PTPRN2: variants seen among roughly 807,000 people sequenced by gnomAD.
PTPRN2 encodes receptor-type tyrosine-protein phosphatase N2.
In PTPRN2, 74 loss-of-function variants were observed where a neutral mutation model predicts 118.8. The observed-to-expected ratio is 0.62, with a 90% CI of 0.52 to 0.76. The LOEUF is 0.76. Ranked by LOEUF, PTPRN2 falls within the 30% of genes least tolerant of loss-of-function variation. PTPRN2 has a pLI of 0.00. For synonymous variants in PTPRN2, 641 were observed against 608.0 expected, an observed-to-expected ratio of 1.05 and a Z score of -0.80; for missense variants, 1,481 against 1,394.4, an observed-to-expected ratio of 1.06 and a Z score of -0.99.
At chr7:158,260,633 T>C (rs915026469) in intron 3 of PTPRN2, among the ~76,000 whole-genome samples, 1 of 152,026 alleles carries the variant, frequency 6.6e-6, no homozygotes, top group Non-Finnish European at 1.5e-5. Flanking sequence ...GATAGTAAGG[T>C]TAAAATCCCC....
chr7:158,061,688 T>C (rs997213207), intron 11 of PTPRN2, among the ~76,000 whole-genome samples: 4 of 152,178 alleles, frequency 2.6e-5, no homozygotes, highest in Admixed American at 1.3e-4. Context: ...GTAGCTGAGA[T>C]GCAATGGGGG....
chr7:157,599,751 C>CT (rs1801553671), intron 16 of PTPRN2, among the ~76,000 whole-genome samples: 1 of 152,210 alleles, frequency 6.6e-6, no homozygotes. Context: ...ATCTGGCCAG[C>CT]TTTGGGGAAG....
intron 2 of PTPRN2, among the ~76,000 whole-genome samples, chr7:158,461,561 A>T (rs1391887517): frequency 6.6e-6 from 1 of 152,108 alleles, no homozygotes; most frequent in African/African-American, 2.4e-5. Context: ...AAAAAATATC[A>T]TTCTAGGTGC....
chr7:158,584,670 G>A (rs1011149156), intron 1 of PTPRN2, among the ~76,000 whole-genome samples: 1 of 152,206 alleles, frequency 6.6e-6, no homozygotes, highest in African/African-American at 2.4e-5. Context: ...CAGGGGAAAA[G>A]AGAGGAAGCA....
Position 158,151,087 on chromosome 7 carries a change from G to C in PTPRN2, c.911-12572C>G, listed in dbSNP as rs1394377681. On this transcript the variant is annotated intron_variant, in intron 6 of 22. Coordinates refer to ENST00000389418, the MANE Select transcript of PTPRN2 (RefSeq NM_002847.5). ...CGCCTTTCCACTCTTGCCCCTGCCTGCCCAAACCGCCCGCCTTTCTGCTCC... is the reference window on the plus strand; with the variant it reads ...CGCCTTTCCACTCTTGCCCCTGCCTCCCCAAACCGCCCGCCTTTCTGCTCC... Among the ~76,000 whole-genome samples, 6 of 9,234 alleles carry C rather than the reference G, an allele frequency of 6.5e-4. 1 individual carries two copies. Among genetic ancestry groups the C allele is most frequent in the African/African-American group, 1.7e-3 (6 of 3,632 alleles). 6.1% of individuals were successfully genotyped at this position (9,234 alleles called of 152,430 possible).
chr7:157,847,343 AC>A (rs2151197148), intron 12 of PTPRN2, among the ~76,000 whole-genome samples: 1 of 97,782 alleles, frequency 1.0e-5, no homozygotes, highest in South Asian at 3.5e-4. Flanking sequence ...CTCTCTCATT[AC>A]ATCTTCTGTG....
chr7:157,713,804 A>G (rs983561992), intron 12 of PTPRN2, among the ~76,000 whole-genome samples: 1 of 152,208 alleles, frequency 6.6e-6, no homozygotes, highest in Non-Finnish European at 1.5e-5. Flanking sequence ...TGGTCTGGAC[A>G]TGGAGCCACA....
At chr7:158,430,498 G>T (rs532268025) in intron 2 of PTPRN2, among the ~76,000 whole-genome samples, 1 of 152,234 alleles carries the variant, frequency 6.6e-6, no homozygotes, top group African/African-American at 2.4e-5. Flanking sequence ...GCGGGGCCTC[G>T]CACGGCTCAG....
At chr7:158,411,976 C>A (rs181945077) in intron 2 of PTPRN2, among the ~76,000 whole-genome samples, 172 of 151,074 alleles carry the variant, frequency 1.1e-3, no homozygotes, top group African/African-American at 3.9e-3. Context: ...AGCTCCAGGG[C>A]CCATCACAGC....
At chr7:157,706,979 G>T (rs967545493) in intron 12 of PTPRN2, among the ~76,000 whole-genome samples, 3 of 152,164 alleles carry the variant, frequency 2.0e-5, no homozygotes, top group Non-Finnish European at 4.4e-5. Flanking sequence ...CTTCCAGAAT[G>T]CCGGGAACTG....
chr7:158,193,589 G>A (rs555633711), intron 4 of PTPRN2, among the ~76,000 whole-genome samples: 11 of 152,140 alleles, frequency 7.2e-5, no homozygotes, highest in South Asian at 2.1e-4. Context: ...CAGCTGTGGC[G>A]GAGAGCTTGC....
chr7:158,220,823 C>T (rs1461649493), intron 3 of PTPRN2, among the ~76,000 whole-genome samples: 7 of 151,248 alleles, frequency 4.6e-5, no homozygotes, highest in African/African-American at 1.5e-4. Context: ...TATCAAACCA[C>T]CAGCATCATT....
intron 1 of PTPRN2, among the ~76,000 whole-genome samples, chr7:158,499,102 G>T (rs200458154): frequency 6.6e-6 from 1 of 152,158 alleles, no homozygotes; most frequent in South Asian, 2.1e-4. Flanking sequence ...AAGCACCAAA[G>T]CCCTCTAACA....
chr7:157,773,972 A>G (rs1386084540), intron 12 of PTPRN2, among the ~76,000 whole-genome samples: 3 of 152,260 alleles, frequency 2.0e-5, no homozygotes, highest in Non-Finnish European at 2.9e-5. Flanking sequence ...AAAGATGCAT[A>G]CAAGTTAGCA....
intron 12 of PTPRN2, among the ~76,000 whole-genome samples, chr7:157,838,411 G>A (rs551021337): frequency 7.1e-6 from 1 of 141,208 alleles, no homozygotes; most frequent in East Asian, 2.2e-4. Flanking sequence ...TCTCATAGTG[G>A]ATGGCACGGG....
chr7:157,938,441 A>AG (rs1176317609), intron 11 of PTPRN2, among the ~76,000 whole-genome samples: 1 of 152,172 alleles, frequency 6.6e-6, no homozygotes, highest in Non-Finnish European at 1.5e-5. Flanking sequence ...GCCGGATGTG[A>AG]GGGGTAGACA....
At chr7:158,375,747 C>T (rs919448870) in intron 2 of PTPRN2, among the ~76,000 whole-genome samples, 3 of 151,980 alleles carry the variant, frequency 2.0e-5, no homozygotes, top group Admixed American at 6.6e-5. Context: ...AGAAGAGTGG[C>T]GTGTCAGGGA....
chr7:158,007,077 T>A (rs533208243), intron 11 of PTPRN2, among the ~76,000 whole-genome samples: 1 of 152,334 alleles, frequency 6.6e-6, no homozygotes, highest in East Asian at 1.9e-4. Context: ...TCCTCCTGTG[T>A]CCTCACGTGG....
At chr7:157,646,287 T>C (rs74617382) in intron 14 of PTPRN2, among the ~76,000 whole-genome samples, 6,485 of 152,184 alleles carry the variant, frequency 0.043, 242 homozygotes, top group South Asian at 0.13. Flanking sequence ...CCCTTGGCGC[T>C]GTCCTCAGGA....
Sources: allele counts gnomAD v4.1 joint callset (sites outside exome capture counted in the v4.1 genomes callset), GRCh38; gene constraint gnomAD v4.1.1; transcripts MANE v1.5; gene names NCBI Gene and HGNC (gene_info 2026-07-23, HGNC 2026-07-21).